Variants in UBA6 observed in about 807,000 individuals in gnomAD.
UBA6 encodes the protein ubiquitin-like modifier-activating enzyme 6.
A neutral mutation model predicts 148.3 loss-of-function variants in UBA6; 87 were observed. That is an observed-to-expected ratio of 0.59 (90% CI 0.49 to 0.70). The LOEUF (loss-of-function observed/expected upper bound fraction) is 0.70, where lower values mean the gene tolerates loss of function less well. Ranked by LOEUF, UBA6 falls within the 30% of genes least tolerant of loss-of-function variation. UBA6 has a pLI of 0.00. For synonymous variants in UBA6, 376 were observed against 401.0 expected, an observed-to-expected ratio of 0.94 and a Z score of 0.75; for missense variants, 1,186 against 1,241.2, an observed-to-expected ratio of 0.96 and a Z score of 0.67.
chr4:67,672,588 C>G (rs909744638), intron 7 of UBA6, among the ~76,000 whole-genome samples: 1 of 152,168 alleles, frequency 6.6e-6, no homozygotes, highest in African/African-American at 2.4e-5. Context: ...CTTCGAAGAT[C>G]TTGTAACGTA....
chr4:67,642,804 A>C (rs1231057417), intron 17 of UBA6, among the ~76,000 whole-genome samples: 1 of 151,736 alleles, frequency 6.6e-6, no homozygotes, highest in Non-Finnish European at 1.5e-5. Flanking sequence ...AACTTTTGTC[A>C]TTATCTTTGG....
chr4:67,620,693 T>C (rs1728731722), intron 32 of UBA6, among the ~76,000 whole-genome samples: 1 of 152,212 alleles, frequency 6.6e-6, no homozygotes. Flanking sequence ...TTGATGACCA[T>C]GTATGATAAC....
chr4:67,665,419 T>G lies in UBA6; in HGVS notation c.794-127A>C, dbSNP rs573526284. 2.2e-4 allele frequency: 116 copies of G among 537,230 alleles called. 1 individual carries two copies. In the South Asian group the frequency reaches 2.6e-3, roughly 12 times the overall value. The allele number at this position is 537,230 out of a possible 1,614,324, so 33.3% of individuals were successfully genotyped here. A position where few individuals can be genotyped will look rare whatever the true frequency, so the allele number is the denominator to read the frequency against. On this transcript the variant is annotated intron_variant, in intron 9 of 32. Coordinates refer to ENST00000322244, the MANE Select transcript of UBA6 (RefSeq NM_018227.6). ...TAAAGAATTCCAGCATAGTGTTTTT[T>G]TTTGTTTGTTTGTTTTTTTTTTTTT...
chr4:67,634,395 T>G (rs377574187), intron 21 of UBA6, 34 bp downstream of exon 21: 1 of 1,558,338 alleles, frequency 6.4e-7, no homozygotes, highest in African/African-American at 1.4e-5. Context: ...TCTTTCTCAC[T>G]TCAAAGAAAA....
At chr4:67,633,992 TCTTTATTAGC>T (rs1270759952) in intron 22 of UBA6, among the ~76,000 whole-genome samples, 2 of 152,092 alleles carry the variant, frequency 1.3e-5, no homozygotes, top group African/African-American at 4.8e-5. Flanking sequence ...AATTATCATA[TCTTTATTAGC>T]TCGCACCATA....
chr4:67,652,799 G>A (rs1199269168), intron 13 of UBA6, among the ~76,000 whole-genome samples: 1 of 152,198 alleles, frequency 6.6e-6, no homozygotes, highest in East Asian at 1.9e-4. Context: ...GACTATCCTT[G>A]GAAAAACGGT....
intron 10 of UBA6, 78 bp from the exon 11 acceptor site, chr4:67,664,025 G>T: frequency 2.6e-6 from 3 of 1,146,116 alleles, no homozygotes; most frequent in Non-Finnish European, 3.8e-6. Context: ...ATGTCAGTGC[G>T]CTAAAAACTA....
chr4:67,678,652 C>A, intron 4 of UBA6, 119 bp from the exon 5 acceptor site: 1 of 469,644 alleles, frequency 2.1e-6, no homozygotes. Flanking sequence ...GAAAAGTAAA[C>A]AAAGGCATAA....
chr4:67,687,786 A>T (rs11131721), intron 2 of UBA6, among the ~76,000 whole-genome samples: 58,527 of 151,956 alleles, frequency 0.39, 11,397 homozygotes, highest in Middle Eastern at 0.51. Context: ...TCCAGCTCCA[A>T]CCACGTCCCT....
chr4:67,650,522 A>T (rs1729528756), intron 13 of UBA6, among the ~76,000 whole-genome samples: 2 of 152,260 alleles, frequency 1.3e-5, no homozygotes, highest in Admixed American at 6.5e-5. Context: ...AATCTCCAAA[A>T]CATATGCATA....
At chr4:67,626,958 G>A (rs1278713756) in intron 27 of UBA6, among the ~76,000 whole-genome samples, 1 of 151,870 alleles carries the variant, frequency 6.6e-6, no homozygotes, top group Non-Finnish European at 1.5e-5. Context: ...TCACATCAAG[G>A]AAACTAAAGC....
chr4:67,625,914 C>A (rs1577788602), intron 28 of UBA6, among the ~76,000 whole-genome samples: 1 of 151,884 alleles, frequency 6.6e-6, no homozygotes, highest in East Asian at 1.9e-4. Context: ...TAATTATGAA[C>A]CTAATTACTA....
At position 67,641,199 on chromosome 4, in the gene UBA6, C is replaced by T. The variant is rs780193790; in HGVS notation, c.1506G>A (p.Glu502=). 1.3e-6 allele frequency: 2 copies of T among 1,598,212 alleles called. No individual in the cohort carries two copies. The highest frequency in any genetic ancestry group is 2.3e-5 in the East Asian group (1 of 44,150). ...GGAACTGTCTATTTAAGTTGGATTT[C>T]TCTATCAAGTCAGGATCTGTAACTG... ...MITVTDPDLI[E]KSNLNRQFLF... is the part of the protein sequence containing the mutation. The change falls in exon 18 of 33, where the codon GAG becomes GAA. Residue 502 remains glutamate, a synonymous_variant. Coordinates refer to ENST00000322244, the MANE Select transcript of UBA6 (RefSeq NM_018227.6).
At chr4:67,634,199 G>T in intron 22 of UBA6, 43 bp downstream of exon 22, 1 of 1,336,844 alleles carries the variant, frequency 7.5e-7, no homozygotes, top group South Asian at 1.4e-5. Flanking sequence ...AGATTACACT[G>T]ACACAAAGTG....
intron 1 of UBA6, among the ~76,000 whole-genome samples, chr4:67,696,996 G>A (rs991283867): frequency 6.6e-6 from 1 of 151,850 alleles, no homozygotes; most frequent in African/African-American, 2.4e-5. Flanking sequence ...TGTTGTTGTT[G>A]TTGTTTGTTT....
intron 27 of UBA6, 24 bp downstream of exon 27, chr4:67,629,047 G>A (rs1400587198): frequency 6.5e-7 from 1 of 1,527,046 alleles, no homozygotes; most frequent in Admixed American, 1.7e-5. Context: ...ACTATTTGCT[G>A]AATGAATGAT....
chr4:67,646,031 A>G lies in UBA6; in HGVS notation c.1317-15T>C, dbSNP rs370085195. The G allele has an allele frequency of 4.8e-6, 7 of 1,468,300 alleles. No homozygotes were observed. Among genetic ancestry groups the G allele is most frequent in the Non-Finnish European group, 6.5e-6 (7 of 1,078,692 alleles). 91.0% of individuals were successfully genotyped at this position (1,468,300 alleles called of 1,614,324 possible). Reference sequence around the variant, plus strand: ...ATCTATCTCCTCTGAAAAAAATAACATATACCAAAAAGCAGAAATAAAAAA... The same window carrying G: ...ATCTATCTCCTCTGAAAAAAATAACGTATACCAAAAAGCAGAAATAAAAAA... On this transcript the variant is annotated splice_polypyrimidine_tract_variant and intron_variant, in intron 15 of 32. Transcript: ENST00000322244.
chr4:67,628,443 ACTTC>A (rs1288918322), intron 27 of UBA6, among the ~76,000 whole-genome samples: 1 of 151,240 alleles, frequency 6.6e-6, no homozygotes, highest in Non-Finnish European at 1.5e-5. Flanking sequence ...CTATTCCTTT[ACTTC>A]CTTCAGGTTT....
rs185161915 is a variant in UBA6 at position 67,683,567 on chromosome 4, T to C, written c.135-1354A>G. 5.1e-4 allele frequency among the ~76,000 whole-genome samples: 73 copies of C among 142,964 alleles called. 1 individual carries two copies. The highest frequency in any genetic ancestry group is 2.9e-3 in the Admixed American group (40 of 13,914). 93.8% of individuals were successfully genotyped at this position (142,964 alleles called of 152,430 possible). ...TTTCTTAAAACATTATGAGATTTTT[T>C]TGCAATTTTTTTTTTTTTTTAGTTC... On this transcript the variant is annotated intron_variant, in intron 2 of 32. Coordinates refer to ENST00000322244, the MANE Select transcript of UBA6 (RefSeq NM_018227.6).
Sources: allele counts gnomAD v4.1 joint callset (sites outside exome capture counted in the v4.1 genomes callset), GRCh38; gene constraint gnomAD v4.1.1; transcripts MANE v1.5; gene names NCBI Gene and HGNC (gene_info 2026-07-23, HGNC 2026-07-21).